Variants in FSHR observed in about 807,000 individuals in gnomAD.
FSHR encodes follicle-stimulating hormone receptor.
A neutral mutation model predicts 52.1 loss-of-function variants in FSHR; 46 were observed. The ratio of observed to expected loss-of-function variants is 0.88; its 90% CI spans 0.70 to 1.13. FSHR has a LOEUF of 1.13. FSHR is among the 50% of genes most tolerant of loss of function. The pLI, the probability that FSHR is intolerant of heterozygous loss-of-function variation, is 0.00. For synonymous variants in FSHR, 399 were observed against 309.6 expected (o/e 1.29, Z -3.03); for missense variants, 964 against 834.6 (o/e 1.16, Z -1.91).
chr2:49,028,247 T>G (rs1183124275), intron 2 of FSHR, among the ~76,000 whole-genome samples: 2 of 152,204 alleles, frequency 1.3e-5, no homozygotes, highest in Admixed American at 6.5e-5. Flanking sequence ...TAATTAACCT[T>G]TATTAGATGT....
intron 4 of FSHR, among the ~76,000 whole-genome samples, chr2:49,012,286 C>T (rs1667304555): frequency 1.3e-5 from 2 of 151,992 alleles, no homozygotes. Context: ...AAGGTCAGCT[C>T]CAGGAAGGCA....
intron 1 of FSHR, among the ~76,000 whole-genome samples, chr2:49,101,893 A>G (rs1301206086): frequency 1.3e-5 from 2 of 152,116 alleles, no homozygotes; most frequent in East Asian, 3.9e-4. Context: ...TTATATGGCA[A>G]TAGGACTGAG....
intron 1 of FSHR, among the ~76,000 whole-genome samples, chr2:49,144,740 G>T (rs554476998): frequency 1.3e-5 from 2 of 152,106 alleles, no homozygotes; most frequent in African/African-American, 4.8e-5. Flanking sequence ...AATTAGCTTT[G>T]ATGGGTACAT....
intron 1 of FSHR, among the ~76,000 whole-genome samples, chr2:49,106,672 C>G: frequency 6.6e-6 from 1 of 152,204 alleles, no homozygotes; most frequent in South Asian, 2.1e-4. Context: ...ATCTGTGTCA[C>G]TGGCTGTTAC....
At chr2:49,094,055 T>C (rs1670725010) in intron 1 of FSHR, among the ~76,000 whole-genome samples, 1 of 152,230 alleles carries the variant, frequency 6.6e-6, no homozygotes, top group Non-Finnish European at 1.5e-5. Context: ...GTTTGTTTAC[T>C]CTATATTTCA....
chr2:49,149,633 G>A (rs1223139314), intron 1 of FSHR, among the ~76,000 whole-genome samples: 1 of 151,936 alleles, frequency 6.6e-6, no homozygotes, highest in Non-Finnish European at 1.5e-5. Flanking sequence ...TACCCTTTTT[G>A]TACACGATTG....
chr2:48,971,399 G>A (rs1002251906), intron 8 of FSHR, among the ~76,000 whole-genome samples: 1 of 152,210 alleles, frequency 6.6e-6, no homozygotes, highest in Non-Finnish European at 1.5e-5. Context: ...GGAGGATCCA[G>A]CTTCTACCAG....
intron 1 of FSHR, among the ~76,000 whole-genome samples, chr2:49,078,248 C>A (rs1485470478): frequency 6.6e-6 from 1 of 152,256 alleles, no homozygotes; most frequent in Admixed American, 6.5e-5. Flanking sequence ...TGGTGGCAGG[C>A]AAAGAGAGAG....
intron 1 of FSHR, among the ~76,000 whole-genome samples, chr2:49,145,224 C>T (rs996194090): frequency 6.6e-6 from 1 of 152,104 alleles, no homozygotes; most frequent in African/African-American, 2.4e-5. Flanking sequence ...GTGTTAACCT[C>T]CTTTATCCAA....
At chr2:49,027,891 G>A (rs1338698375) in intron 2 of FSHR, among the ~76,000 whole-genome samples, 1 of 147,992 alleles carries the variant, frequency 6.8e-6, no homozygotes, top group East Asian at 2.0e-4. Flanking sequence ...GAAGGACAAA[G>A]ATTTTCTGGA....
At chr2:49,042,526 T>C (rs1668512808) in intron 2 of FSHR, among the ~76,000 whole-genome samples, 3 of 152,246 alleles carry the variant, frequency 2.0e-5, no homozygotes, top group African/African-American at 7.2e-5. Context: ...GAAGAATTCA[T>C]TGCCATTAAT....
chr2:49,102,127 G>C (rs1251603710), intron 1 of FSHR, among the ~76,000 whole-genome samples: 1 of 152,144 alleles, frequency 6.6e-6, no homozygotes, highest in Non-Finnish European at 1.5e-5. Context: ...GATGGGCAGT[G>C]CAGAGGGCCA....
intron 1 of FSHR, among the ~76,000 whole-genome samples, chr2:49,088,998 T>C (rs1057050945): frequency 5.9e-5 from 9 of 152,040 alleles, no homozygotes; most frequent in African/African-American, 1.9e-4. Flanking sequence ...AATGAACTGT[T>C]AGAAATAAGA....
At chr2:49,075,283 A>G (rs1669907774) in intron 1 of FSHR, among the ~76,000 whole-genome samples, 2 of 152,286 alleles carry the variant, frequency 1.3e-5, no homozygotes, top group South Asian at 4.1e-4. Context: ...AAACATCACT[A>G]TGCTCCCCAT....
chr2:49,038,634 ATAATAAT>A (rs367799302), intron 2 of FSHR, among the ~76,000 whole-genome samples: 34,798 of 106,500 alleles, frequency 0.33, 7,190 homozygotes, highest in East Asian at 0.39. Flanking sequence ...CAAAATAATA[ATAATAAT>A]AATAATAATA....
chr2:49,074,297 G>C (rs1226876657), intron 1 of FSHR, among the ~76,000 whole-genome samples: 1 of 151,934 alleles, frequency 6.6e-6, no homozygotes, highest in Non-Finnish European at 1.5e-5. Flanking sequence ...TTTGACAGAA[G>C]ATTAACTCAA....
rs1371833462 is a variant in FSHR, at chr2:49,061,640, T to C, written c.224+6579A>G. On this transcript the variant is annotated intron_variant, in intron 2 of 9. Coordinates refer to ENST00000406846, the MANE Select transcript of FSHR (RefSeq NM_000145.4). Reference sequence around the variant, plus strand: ...TATATAAAAATACATATATCTATAATATATATAACTATATATAACTATATA... The same window carrying C: ...TATATAAAAATACATATATCTATAACATATATAACTATATATAACTATATA... 9.8e-5 allele frequency among the ~76,000 whole-genome samples: 14 copies of C among 142,702 alleles called. No homozygotes were observed. The East Asian group carries it at 1.0e-3, about 10-fold the overall frequency. 93.6% of individuals were successfully genotyped at this position (142,702 alleles called of 152,430 possible).
At chr2:48,996,093 G>T (rs1676012712) in intron 4 of FSHR, among the ~76,000 whole-genome samples, 2 of 152,148 alleles carry the variant, frequency 1.3e-5, no homozygotes, top group South Asian at 4.1e-4. Context: ...AGGGTTTGAA[G>T]TTGAACTCTT....
rs767760320 is a variant in FSHR, at chr2:48,990,609, G to T, written c.403C>A (p.Leu135Ile). 23 of 1,611,818 alleles carry T rather than the reference G, an allele frequency of 1.4e-5. No homozygotes were observed. The highest frequency in any genetic ancestry group is 1.8e-5 in the Non-Finnish European group (21 of 1,178,128). Residue 135 changes from leucine (L) to isoleucine (I), a missense_variant, in exon 5 of 10, where the codon CTT (leucine) becomes ATT (isoleucine). Leu to Ile is a conservative substitution (Grantham distance 5, BLOSUM62 2). Transcript: ENST00000406846. Reference protein sequence around the residue: ...LLISNTGIKHLPDVHKIHSLQ... With the variant: ...LLISNTGIKHIPDVHKIHSLQ... ...GAATGAATCTTGTGAACATCTGGAA[G>T]GTGCTTAATACCTGTGTTGGATATT...
Sources: allele counts gnomAD v4.1 joint callset (sites outside exome capture counted in the v4.1 genomes callset), GRCh38; gene constraint gnomAD v4.1.1; transcripts MANE v1.5; gene names NCBI Gene and HGNC (gene_info 2026-07-23, HGNC 2026-07-21).